LRRC3B: variants seen among roughly 807,000 people sequenced by gnomAD.
The protein encoded by LRRC3B is leucine-rich repeat-containing protein 3B.
A neutral mutation model predicts 12.8 loss-of-function variants in LRRC3B; 2 were observed. That is an observed-to-expected ratio of 0.16 (90% CI 0.06 to 0.49). The LOEUF is 0.49. LRRC3B is among the 20% of genes least tolerant of loss of function. The pLI is 0.96. For missense variants in LRRC3B, 189 were observed against 319.4 expected (o/e 0.59, Z 3.11); for synonymous variants, 132 against 122.0 (o/e 1.08, Z -0.54).
rs1030101020 is a variant in LRRC3B, at chr3:26,688,882, C to T, written c.-160-20631C>T. Among the ~76,000 whole-genome samples, 13 of 152,182 alleles carry T rather than the reference C, an allele frequency of 8.5e-5. No individual in the cohort carries two copies. The East Asian group carries it at 2.5e-3, about 29-fold the overall frequency. ...ACTTTGATTTGTGGCTGTAGAATGG[C>T]AAGCACAGCATTTCCACAAATAATT... On this transcript the variant is annotated intron_variant, in intron 1 of 1. Transcript: ENST00000396641.
intron 1 of LRRC3B, among the ~76,000 whole-genome samples, chr3:26,646,764 A>G (rs1313125987): frequency 6.6e-6 from 1 of 151,954 alleles, no homozygotes; most frequent in East Asian, 1.9e-4. Flanking sequence ...CCCTGTTTCC[A>G]CCTGTGTGAA....
intron 1 of LRRC3B, among the ~76,000 whole-genome samples, chr3:26,691,087 G>GTA (rs1313243277): frequency 1.8e-5 from 2 of 113,746 alleles, no homozygotes; most frequent in African/African-American, 7.6e-5. Flanking sequence ...ATGTGTGTGT[G>GTA]TATATGTGTG....
chr3:26,660,701 A>G (rs765851177), intron 1 of LRRC3B, among the ~76,000 whole-genome samples: 22 of 152,116 alleles, frequency 1.4e-4, no homozygotes, highest in Non-Finnish European at 2.9e-4. Flanking sequence ...ACATATCTAG[A>G]TGTATATTAC....
intron 1 of LRRC3B, among the ~76,000 whole-genome samples, chr3:26,629,888 G>A (rs1480554562): frequency 5.3e-5 from 8 of 151,350 alleles, no homozygotes; most frequent in African/African-American, 1.9e-4. Context: ...AAGTCAGGAG[G>A]GCCAAGCAAT....
At chr3:26,626,499 C>T (rs1226139683) in intron 1 of LRRC3B, among the ~76,000 whole-genome samples, 2 of 152,192 alleles carry the variant, frequency 1.3e-5, no homozygotes, top group African/African-American at 4.8e-5. Context: ...CCATTTGGTG[C>T]ATTTGTAGCA....
At chr3:26,677,498 G>A (rs1699884389) in intron 1 of LRRC3B, among the ~76,000 whole-genome samples, 1 of 152,204 alleles carries the variant, frequency 6.6e-6, no homozygotes, top group African/African-American at 2.4e-5. Context: ...TGGAAGGGCT[G>A]GCAGGCTTGT....
intron 1 of LRRC3B, among the ~76,000 whole-genome samples, chr3:26,690,567 C>T (rs73821188): frequency 0.019 from 2,858 of 152,114 alleles, 91 homozygotes; most frequent in African/African-American, 0.065. Context: ...TTAATTTTTC[C>T]GGGTGCTTCC....
At chr3:26,681,724 A>G (rs763421876) in intron 1 of LRRC3B, among the ~76,000 whole-genome samples, 2 of 152,216 alleles carry the variant, frequency 1.3e-5, no homozygotes, top group Admixed American at 6.5e-5. Context: ...ATTAATGTCA[A>G]TCACTGTCAG....
At chr3:26,670,199 G>T (rs143123494) in intron 1 of LRRC3B, among the ~76,000 whole-genome samples, 1 of 152,110 alleles carries the variant, frequency 6.6e-6, no homozygotes, top group South Asian at 2.1e-4. Context: ...TGCATTTCTT[G>T]GTAGATGCTC....
chr3:26,687,576 C>A (rs1354019667), intron 1 of LRRC3B, among the ~76,000 whole-genome samples: 3 of 152,122 alleles, frequency 2.0e-5, no homozygotes, highest in African/African-American at 7.2e-5. Context: ...TTTTTCATCC[C>A]AGAGATCGTT....
chr3:26,638,253 A>G (rs1315121833), intron 1 of LRRC3B, among the ~76,000 whole-genome samples: 1 of 152,206 alleles, frequency 6.6e-6, no homozygotes, highest in African/African-American at 2.4e-5. Flanking sequence ...TAATGTCATG[A>G]TATAAAAAAA....
chr3:26,669,815 G>A (rs1398786685), intron 1 of LRRC3B, among the ~76,000 whole-genome samples: 1 of 152,130 alleles, frequency 6.6e-6, no homozygotes, highest in Non-Finnish European at 1.5e-5. Context: ...ACCCCTCACA[G>A]GCTGATTATT....
chr3:26,683,551 A>C (rs943526629), intron 1 of LRRC3B, among the ~76,000 whole-genome samples: 2 of 152,210 alleles, frequency 1.3e-5, no homozygotes, highest in Non-Finnish European at 2.9e-5. Flanking sequence ...TTGAACTCAA[A>C]TGAGGAATAA....
chr3:26,685,605 ATG>A (rs1289121760), intron 1 of LRRC3B, among the ~76,000 whole-genome samples: 7 of 123,626 alleles, frequency 5.7e-5, no homozygotes, highest in Admixed American at 2.6e-4. Context: ...ATATATATAT[ATG>A]TGTGTGTGTA....
chr3:26,676,731 A>G (rs13322296), intron 1 of LRRC3B, among the ~76,000 whole-genome samples: 180 of 152,332 alleles, frequency 1.2e-3, no homozygotes, highest in African/African-American at 4.2e-3. Flanking sequence ...CAGCCATCCC[A>G]TTACGGGTAT....
chr3:26,641,606 G>A (rs745997723), intron 1 of LRRC3B, among the ~76,000 whole-genome samples: 8 of 152,158 alleles, frequency 5.3e-5, no homozygotes, highest in Non-Finnish European at 1.0e-4. Context: ...AGGATGGAAC[G>A]TGGGCACGTT....
At chr3:26,627,790 C>T (rs1221184371) in intron 1 of LRRC3B, among the ~76,000 whole-genome samples, 1 of 152,086 alleles carries the variant, frequency 6.6e-6, no homozygotes, top group Non-Finnish European at 1.5e-5. Flanking sequence ...CACAGCTGCC[C>T]CACTCTTCAG....
intron 1 of LRRC3B, among the ~76,000 whole-genome samples, chr3:26,643,253 T>TGA (rs201347020): frequency 8.2e-6 from 1 of 121,862 alleles, no homozygotes; most frequent in Non-Finnish European, 1.7e-5. Flanking sequence ...CACATATGTG[T>TGA]GAGTGTGTGT....
chr3:26,671,340 A>G (rs6788607), intron 1 of LRRC3B, among the ~76,000 whole-genome samples: 2 of 85,782 alleles, frequency 2.3e-5, no homozygotes, highest in East Asian at 5.2e-4. Context: ...ATGTGTGTGT[A>G]TATATGTGTG....
Sources: gnomAD v4.1 joint callset for allele counts (sites outside exome capture counted in the v4.1 genomes callset) on GRCh38, gnomAD v4.1.1 for gene constraint, MANE v1.5 for transcripts, NCBI Gene and HGNC (gene_info 2026-07-23, HGNC 2026-07-21) for gene names.